TRAP1: variants seen among roughly 807,000 people sequenced by gnomAD.
TRAP1 encodes the protein heat shock protein 75 kDa, mitochondrial.
TRAP1 carries 102 observed loss-of-function variants against 89.1 expected under a neutral mutation model. The observed-to-expected ratio is 1.15, with a 90% confidence interval of 0.98 to 1.35. TRAP1 has a LOEUF of 1.35. Ranked by LOEUF, TRAP1 falls within the 40% of genes most tolerant of loss-of-function variation. The pLI is 0.00. For synonymous variants in TRAP1, 508 were observed against 388.0 expected (o/e 1.31, Z -3.64); for missense variants, 1,256 against 945.3 (o/e 1.33, Z -4.31).
intron 1 of TRAP1, among the ~76,000 whole-genome samples, chr16:3,709,800 G>A (rs1439546039): frequency 6.6e-6 from 1 of 152,088 alleles, no homozygotes; most frequent in Non-Finnish European, 1.5e-5. Flanking sequence ...ACAGGCATGC[G>A]CCACCACGCC....
At chr16:3,693,162 T>A (rs1342359065) in intron 1 of TRAP1, among the ~76,000 whole-genome samples, 2 of 151,766 alleles carry the variant, frequency 1.3e-5, no homozygotes, top group African/African-American at 4.8e-5. Context: ...TTGGTCAGGC[T>A]GCTCTCGAAC....
intron 16 of TRAP1, chr16:3,660,464 C>A (rs539335419): frequency 2.6e-5 from 4 of 151,434 alleles, no homozygotes; most frequent in African/African-American, 9.7e-5. Context: ...CAGAGCAAGA[C>A]CCTGTCTCCA....
In TRAP1 at chr16:3,676,724, G is replaced by A. The variant is rs113115599; in HGVS notation, c.705-579C>T. 619 of 152,594 alleles carry A rather than the reference G, an allele frequency of 4.1e-3. 1 individual carries two copies. The highest frequency in any genetic ancestry group is 0.01 in the Middle Eastern group (3 of 296). The allele number at this position is 152,594 out of a possible 1,614,324, so 9.5% of individuals were successfully genotyped here. A position where few individuals can be genotyped will look rare whatever the true frequency, so the allele number is the denominator to read the frequency against. Reference sequence around the variant, plus strand: ...TGGAGCAGAAATGGCATCACGGAGGGAGGACGCCTCGGCTGGCTGGAAGCG... The same window carrying A: ...TGGAGCAGAAATGGCATCACGGAGGAAGGACGCCTCGGCTGGCTGGAAGCG... On this transcript the variant is annotated intron_variant, in intron 6 of 17. Transcript: ENST00000246957.
chr16:3,674,202 T>G, intron 9 of TRAP1, 137 bp downstream of exon 9: 1 of 1,227,590 alleles, frequency 8.1e-7, no homozygotes, highest in Non-Finnish European at 1.1e-6. Context: ...ATAACAGGCG[T>G]GAGCCACCAC....
Position 3,662,088 on chromosome 16 carries a change from C to T in TRAP1, c.1839G>A (p.Leu613=), listed in dbSNP as rs906258460. Reference sequence around the variant, plus strand: ...GGAAGTGGCGGGCAGCCCCCATCTCCAGCACGGTGACCATGGCAGGGTGGG... The same window carrying T: ...GGAAGTGGCGGGCAGCCCCCATCTCTAGCACGGTGACCATGGCAGGGTGGG... ...LDTHPAMVTV[L]EMGAARHFLR... The change falls in exon 16 of 18, where the codon CTG becomes CTA. Residue 613 remains leucine (L), a synonymous_variant. Coordinates refer to ENST00000246957, the MANE Select transcript of TRAP1 (RefSeq NM_016292.3). 3.1e-6 allele frequency: 5 copies of T among 1,613,334 alleles called. No homozygotes were observed. The highest frequency in any genetic ancestry group is 4.2e-6 in the Non-Finnish European group (5 of 1,179,910).
At chr16:3,679,184 G>A (rs1335799700) in intron 5 of TRAP1, among the ~76,000 whole-genome samples, 1 of 152,138 alleles carries the variant, frequency 6.6e-6, no homozygotes, top group African/African-American at 2.4e-5. Flanking sequence ...CCAGCTACTT[G>A]GGAGGCTGAG....
intron 6 of TRAP1, chr16:3,676,900 C>G (rs2051004304): frequency 6.6e-6 from 1 of 152,538 alleles, no homozygotes; most frequent in African/African-American, 2.4e-5. Flanking sequence ...ACTAAAAATA[C>G]AAAATTAGCT....
At position 3,690,727 on chromosome 16, in the gene TRAP1, C is replaced by T. The variant is rs1256512891; in HGVS notation, c.247+100G>A. The T allele has an allele frequency of 3.6e-5, 43 of 1,206,692 alleles. No individual in the cohort carries two copies. The East Asian group carries it at 9.4e-4, about 26-fold the overall frequency. The allele number at this position is 1,206,692 out of a possible 1,614,324, so 74.7% of individuals were successfully genotyped here. A position where few individuals can be genotyped will look rare whatever the true frequency, so the allele number is the denominator to read the frequency against. ...AGACCTTCTGATTTCACACCTAAGG[C>T]GGTGGCTCTACCAATCACTGCCTCC... On this transcript the variant is annotated intron_variant, in intron 2 of 17. Transcript: ENST00000246957.
At chr16:3,707,057 T>A (rs1362571347) in intron 1 of TRAP1, among the ~76,000 whole-genome samples, 1 of 152,176 alleles carries the variant, frequency 6.6e-6, no homozygotes, top group Non-Finnish European at 1.5e-5. Context: ...TTTTTGTTGT[T>A]GTTTCTTTAA....
At chr16:3,664,499 A>ATGGGCTCAATGTTGCCCAACTAAC in intron 12 of TRAP1, 40 bp from the exon 13 acceptor site, 1 of 1,569,410 alleles carries the variant, frequency 6.4e-7, no homozygotes, top group Non-Finnish European at 8.6e-7. Context: ...TTCCAGGCCC[A>ATGGGCTCAATGTTGCCCAACTAAC]TGGGCTCAAT....
intron 4 of TRAP1, among the ~76,000 whole-genome samples, chr16:3,681,150 T>A (rs2051068693): frequency 6.6e-6 from 1 of 152,092 alleles, no homozygotes; most frequent in African/African-American, 2.4e-5. Context: ...GCAGACCACC[T>A]TAAATAAAAG....
In TRAP1 at chr16:3,689,081, C is replaced by G; in HGVS notation, c.304G>C (p.Ala102Pro). 6.2e-7 allele frequency: 1 copy of G among 1,613,856 alleles called. No individual in the cohort carries two copies. The highest frequency in any genetic ancestry group is 8.5e-7 in the Non-Finnish European group (1 of 1,179,916). The stretch of plus-strand genomic sequence containing the variant: ...TCTTTTTCTGAGTACAGGGACCGGG[C>G]AACAATGTCCAAAAGCTTCTTTGTC... ...AETKKLLDIV[A>P]RSLYSEKEVF... The change falls in exon 3 of 18, where the codon GCC (alanine) becomes CCC (proline). Residue 102 changes from alanine (A) to proline (P), a missense_variant. Physicochemically the swap from Ala to Pro is conservative, Grantham distance 27 (BLOSUM62 -1). Coordinates refer to ENST00000246957, the MANE Select transcript of TRAP1 (RefSeq NM_016292.3).
At chr16:3,659,186 C>A in intron 16 of TRAP1, 1 of 261,182 alleles carries the variant, frequency 3.8e-6, no homozygotes, top group Non-Finnish European at 7.3e-6. Context: ...GGAGTAAGAC[C>A]CACATGTTGA....
intron 11 of TRAP1, among the ~76,000 whole-genome samples, chr16:3,667,174 C>A (rs368640009): frequency 6.6e-6 from 1 of 152,018 alleles, no homozygotes; most frequent in African/African-American, 2.4e-5. Context: ...GGTGTCAGAG[C>A]CCAAGAACCC....
At chr16:3,669,713 A>AG (rs1314537620) in intron 11 of TRAP1, among the ~76,000 whole-genome samples, 2 of 151,578 alleles carry the variant, frequency 1.3e-5, no homozygotes, top group African/African-American at 2.4e-5. Flanking sequence ...GGGTGCCTGT[A>AG]TCCCAGCTAC....
At position 3,665,976 on chromosome 16, in the gene TRAP1, C is replaced by T; in HGVS notation, c.1378G>A (p.Val460Ile). ...CTGGAACACAGCTCCTATACCTTGA[C>T]CTCCTGCTCGGTGGCGGTCACAATG... is the stretch of plus-strand genomic sequence containing the variant. ...EGIVTATEQE[V>I]KEDIAKLLRY... The change falls in exon 12 of 18, where the codon GTC (valine) becomes ATC (isoleucine). Residue 460 changes from valine (V) to isoleucine (I), a missense_variant. Transcript: ENST00000246957. The T allele has an allele frequency of 6.2e-7, 1 of 1,613,258 alleles. No individual in the cohort carries two copies. The highest frequency in any genetic ancestry group is 8.5e-7 in the Non-Finnish European group (1 of 1,179,702).
Position 3,662,939 on chromosome 16 carries a change from C to T in TRAP1, c.1737G>A (p.Thr579=), listed in dbSNP as rs774836058. Residue 579 remains threonine (T), a synonymous_variant, in exon 15 of 18, where the codon ACG becomes ACA. Transcript: ENST00000246957. ...PAAECLSEKE[T]EELMAWMRNV... ...TTCTCATCCAGGCCATGAGCTCCTCCGTCTCCTTCTCTGATAGGCACTCGG... is the reference window on the plus strand; with the variant it reads ...TTCTCATCCAGGCCATGAGCTCCTCTGTCTCCTTCTCTGATAGGCACTCGG... 2.5e-5 allele frequency: 41 copies of T among 1,612,404 alleles called. No homozygotes were observed. The highest frequency in any genetic ancestry group is 6.7e-5 in the African/African-American group (5 of 74,936).
At position 3,679,807 on chromosome 16, in the gene TRAP1, A is replaced by C. The variant is rs1380362549; in HGVS notation, c.472-17T>G. 1 of 1,613,616 alleles carries C rather than the reference A, an allele frequency of 6.2e-7. No individual in the cohort carries two copies. The highest frequency in any genetic ancestry group is 1.3e-5 in the African/African-American group (1 of 74,920). On this transcript the variant is annotated splice_polypyrimidine_tract_variant and intron_variant, in intron 4 of 17. Transcript: ENST00000246957. Reference sequence around the variant, plus strand: ...ACCAGTATCCTGAGGAGAGAGACGCACTAAGTGCCAAGCCCCCAGCACCTG... The same window carrying C: ...ACCAGTATCCTGAGGAGAGAGACGCCCTAAGTGCCAAGCCCCCAGCACCTG...
At position 3,658,143 on chromosome 16, in the gene TRAP1, G is replaced by T. The variant is rs2042823454; in HGVS notation, c.2101C>A (p.Leu701Met). The T allele has an allele frequency of 1.2e-6, 2 of 1,613,964 alleles. No homozygotes were observed. The highest frequency in any genetic ancestry group is 1.7e-5 in the Admixed American group (1 of 59,996). The change falls in exon 18 of 18, where the codon CTG (leucine) becomes ATG (methionine). Residue 701 changes from leucine (L) to methionine (M), a missense_variant. Leu to Met is a conservative substitution (Grantham distance 15). Coordinates refer to ENST00000246957, the MANE Select transcript of TRAP1 (RefSeq NM_016292.3). ...CCCCCTGGCTGTCAGTGTCGCTCCAGGGCCTTGACAAGCAGCTCATTCAAG... is the reference window on the plus strand; with the variant it reads ...CCCCCTGGCTGTCAGTGTCGCTCCATGGCCTTGACAAGCAGCTCATTCAAG... ...GRLNELLVKA[L>M]ERH
Sources: gnomAD v4.1 joint callset for allele counts (sites outside exome capture counted in the v4.1 genomes callset) on GRCh38, gnomAD v4.1.1 for gene constraint, MANE v1.5 for transcripts, NCBI Gene and HGNC (gene_info 2026-07-23, HGNC 2026-07-21) for gene names.